Variants in PLEKHJ1 observed in about 807,000 individuals in gnomAD.
PLEKHJ1 encodes the protein pleckstrin homology domain-containing family J member 1.
A neutral mutation model predicts 21.7 loss-of-function variants in PLEKHJ1; 20 were observed. That is an observed-to-expected ratio of 0.92 (90% confidence interval 0.65 to 1.34). The LOEUF is 1.34. PLEKHJ1 is among the 40% of genes most tolerant of loss of function. PLEKHJ1 has a pLI of 0.00. For synonymous variants in PLEKHJ1, 113 were observed against 80.6 expected (o/e 1.40, Z -2.15); for missense variants, 241 against 202.0 (o/e 1.19, Z -1.17).
At chr19:2,230,733 A>T, downstream of PLEKHJ1, 1 of 397,706 alleles carries the variant, frequency 2.5e-6, no homozygotes, top group Non-Finnish European at 4.4e-6. Context: ...AGTGAAGAGG[A>T]AAGAAAAGCG....
downstream of PLEKHJ1, chr19:2,232,046 T>C: frequency 4.8e-6 from 1 of 209,510 alleles, no homozygotes; most frequent in Non-Finnish European, 9.7e-6. Context: ...GACTGAGGGG[T>C]GGTGTGTGGC....
At position 2,236,255 on chromosome 19, in the gene PLEKHJ1, G is replaced by C. The variant is rs559664227; in HGVS notation, c.-7C>G. 111 of 1,383,066 alleles carry C rather than the reference G, an allele frequency of 8.0e-5. 1 individual carries two copies. In the East Asian group the frequency reaches 1.1e-3, roughly 14 times the overall value. 85.7% of individuals were successfully genotyped at this position (1,383,066 alleles called of 1,614,324 possible). The stretch of plus-strand genomic sequence containing the variant: ...CCTTCTCGTTGTACCGCATGGCTCC[G>C]CGGGGAACGGGAACCCGGGCCGCGC... On this transcript the variant is annotated 5_prime_UTR_variant, in exon 1 of 6. Transcript: ENST00000326631.
At chr19:2,230,182 G>A (rs1037600850), downstream of PLEKHJ1, 26 of 470,040 alleles carry the variant, frequency 5.5e-5, no homozygotes, top group African/African-American at 4.3e-4. Flanking sequence ...CCCCAGGCCC[G>A]CGCCTGCCTC....
At position 2,234,073 on chromosome 19, in the gene PLEKHJ1, G is replaced by A. The variant is rs1281905776; in HGVS notation, c.321-12C>T. 5 of 1,613,478 alleles carry A rather than the reference G, an allele frequency of 3.1e-6. No individual in the cohort carries two copies. In the Admixed American group the frequency reaches 6.7e-5, roughly 22 times the overall value. ...GCATGAACTCGTAGCTGGGGAAAAG[G>A]GTGGCACGGGGTCAAATGCCCGCTC... On this transcript the variant is annotated splice_polypyrimidine_tract_variant and intron_variant, in intron 4 of 5. Coordinates refer to ENST00000326631, the MANE Select transcript of PLEKHJ1 (RefSeq NM_018049.3).
At chr19:2,234,300 A>C (rs1012641296) in intron 3 of PLEKHJ1, 60 bp from the exon 4 acceptor site, 1 of 1,326,228 alleles carries the variant, frequency 7.5e-7, no homozygotes, top group Non-Finnish European at 1.1e-6. Flanking sequence ...TCCTCTTGCC[A>C]TTGCCCATAA....
In PLEKHJ1 at chr19:2,236,214, G is replaced by A; in HGVS notation, c.35C>T (p.Ser12Phe). The A allele has an allele frequency of 6.8e-7, 1 of 1,473,356 alleles. No homozygotes were observed. Among genetic ancestry groups the A allele is most frequent in the Non-Finnish European group, 9.0e-7 (1 of 1,116,170 alleles). 91.3% of individuals were successfully genotyped at this position (1,473,356 alleles called of 1,614,324 possible). A position where few individuals can be genotyped will look rare whatever the true frequency, so the allele number is the denominator to read the frequency against. The stretch of plus-strand genomic sequence containing the variant: ...GGCCGCCATCTCGGCCGGCTGCCGG[G>A]ACAGAGCCTGCAGCTCCTTCTCGTT... ...RYNEKELQALSRQPAEMAAEL... is the reference protein window; with the variant it reads ...RYNEKELQALFRQPAEMAAEL... Residue 12 changes from serine (S) to phenylalanine (F), a missense_variant, in exon 1 of 6, where the codon TCC becomes TTC. Transcript: ENST00000326631.
chr19:2,233,732 A>C lies in PLEKHJ1; in HGVS notation c.*108T>G. On this transcript the variant is annotated 3_prime_UTR_variant, in exon 6 of 6. Coordinates refer to ENST00000326631, the MANE Select transcript of PLEKHJ1 (RefSeq NM_018049.3). ...GCCTGGGCAACACAGTGAAACCCTG[A>C]CCCAAAAACCAAAAACCAAAACAAA... 7 of 1,034,772 alleles carry C rather than the reference A, an allele frequency of 6.8e-6. No individual in the cohort carries two copies. Among genetic ancestry groups the C allele is most frequent in the Non-Finnish European group, 9.9e-6 (7 of 707,338 alleles). The allele number at this position is 1,034,772 out of a possible 1,614,324, so 64.1% of individuals were successfully genotyped here.
Position 2,235,767 on chromosome 19 carries a change from G to C in PLEKHJ1, c.224C>G (p.Ser75Cys). The stretch of plus-strand genomic sequence containing the variant: ...GCTTCCCTAGCCCCACTCACTGATG[G>C]AGAAGGTGCCGGGCTCTTCCCGGAC... Reference protein sequence around the residue: ...RVVREEPGTFSISFIEDPERK... With the variant: ...RVVREEPGTFCISFIEDPERK... Residue 75 changes from serine (S) to cysteine (C), a missense_variant, in exon 3 of 6, where the codon TCC (serine) becomes TGC (cysteine). Transcript: ENST00000326631. 6.5e-7 allele frequency: 1 copy of C among 1,548,878 alleles called. No homozygotes were observed. The highest frequency in any genetic ancestry group is 1.4e-5 in the African/African-American group (1 of 73,112).
In PLEKHJ1 at chr19:2,235,765, T is replaced by C. The variant is rs748863052; in HGVS notation, c.226A>G (p.Ile76Val). ...TGGCTTCCCTAGCCCCACTCACTGA[T>C]GGAGAAGGTGCCGGGCTCTTCCCGG... ...VVREEPGTFS[I>V]SFIEDPERKY... The change falls in exon 3 of 6, where the codon ATC becomes GTC. Residue 76 changes from isoleucine (I) to valine (V), a missense_variant. Coordinates refer to ENST00000326631, the MANE Select transcript of PLEKHJ1 (RefSeq NM_018049.3). 19 of 1,548,586 alleles carry C rather than the reference T, an allele frequency of 1.2e-5. No homozygotes were observed. Among genetic ancestry groups the C allele is most frequent in the Non-Finnish European group, 1.4e-5 (16 of 1,146,464 alleles).
At chr19:2,230,609 G>A, downstream of PLEKHJ1, 1 of 398,670 alleles carries the variant, frequency 2.5e-6, no homozygotes, top group Non-Finnish European at 4.4e-6. Context: ...GTCCCTTGGT[G>A]TTTCTGTACA....
chr19:2,231,986 ACACCC>A (rs1167589203), downstream of PLEKHJ1: 4 of 209,884 alleles, frequency 1.9e-5, no homozygotes, highest in Non-Finnish European at 3.9e-5. Flanking sequence ...CTGCCTGCGG[ACACCC>A]TCCTGTTCTG....
At chr19:2,230,027 T>C, downstream of PLEKHJ1, 1 of 673,232 alleles carries the variant, frequency 1.5e-6, no homozygotes, top group South Asian at 2.0e-5. Flanking sequence ...TAAACAATTC[T>C]GACTTATTTT....
intron 3 of PLEKHJ1, 163 bp downstream of exon 3, chr19:2,235,599 C>T: frequency 1.6e-6 from 1 of 628,548 alleles, no homozygotes; most frequent in Non-Finnish European, 2.7e-6. Flanking sequence ...GCCAGGAGAA[C>T]TTGACCTTGA....
Position 2,235,794 on chromosome 19 carries a change from ACT to A in PLEKHJ1, c.195_196del (p.Arg65SerfsTer15). Reference sequence around the variant, plus strand: ...GAAGGTGCCGGGCTCTTCCCGGACGACTCTGCAGCGCTCCAGCAGCAGGGCTC... The same window carrying A: ...GAAGGTGCCGGGCTCTTCCCGGACGACTGCAGCGCTCCAGCAGCAGGGCTC... On this transcript the variant is annotated frameshift_variant, in exon 3 of 6. Coordinates refer to ENST00000326631, the MANE Select transcript of PLEKHJ1 (RefSeq NM_018049.3). LOFTEE classifies it high-confidence loss of function. 1 of 1,550,270 alleles carries A rather than the reference ACT, an allele frequency of 6.5e-7. No homozygotes were observed.
downstream of PLEKHJ1, chr19:2,231,591 C>T (rs76679784): frequency 2.7e-3 from 551 of 205,002 alleles, 2 homozygotes; most frequent in African/African-American, 0.012. Flanking sequence ...CCAGTGCCCT[C>T]CCCACCCCAC....
intron 3 of PLEKHJ1, 48 bp from the exon 4 acceptor site, chr19:2,234,288 C>T: frequency 6.9e-7 from 1 of 1,441,128 alleles, no homozygotes; most frequent in Non-Finnish European, 9.7e-7. Flanking sequence ...CCACAAGCAG[C>T]TTCCTCTTGC....
chr19:2,235,471 T>G, intron 3 of PLEKHJ1: 1 of 453,952 alleles, frequency 2.2e-6, no homozygotes, highest in Non-Finnish European at 3.9e-6. Flanking sequence ...GGGAAACGCT[T>G]TGGGTGGGGC....
At chr19:2,235,087 G>C (rs2144994847) in intron 3 of PLEKHJ1, 1 of 152,310 alleles carries the variant, frequency 6.6e-6, no homozygotes, top group South Asian at 2.1e-4. Flanking sequence ...GTGTAGAAGG[G>C]GAAATGTGGG....
rs1193219092 is a variant in PLEKHJ1 at position 2,236,156 on chromosome 19, G to A, written c.93C>T (p.Ser31=). The part of the protein sequence containing the change: ...ELGMRGPKKG[S]VLKRRLVKLV... ...CTCGGTCTCCCGGGTCCCGCTCACC[G>A]CTGCCCTTCTTGGGGCCCCTCATGC... The change falls in exon 1 of 6, where the codon AGC becomes AGT. Residue 31 remains serine, a splice_region_variant and synonymous_variant. Transcript: ENST00000326631. 1.4e-6 allele frequency: 2 copies of A among 1,475,458 alleles called. No homozygotes were observed. The highest frequency in any genetic ancestry group is 1.8e-6 in the Non-Finnish European group (2 of 1,115,144). The allele number at this position is 1,475,458 out of a possible 1,614,324, so 91.4% of individuals were successfully genotyped here. A position where few individuals can be genotyped will look rare whatever the true frequency, so the allele number is the denominator to read the frequency against.
Sources: allele counts gnomAD v4.1 joint callset, GRCh38; gene constraint gnomAD v4.1.1; transcripts MANE v1.5; gene names NCBI Gene and HGNC (gene_info 2026-07-23, HGNC 2026-07-21).